PLCE1: variants seen among roughly 807,000 people sequenced by gnomAD.
The protein encoded by PLCE1 is phospholipase C epsilon 1.
A neutral mutation model predicts 242.8 loss-of-function variants in PLCE1; 119 were observed. The observed-to-expected ratio is 0.49, with a 90% confidence interval of 0.42 to 0.57. The LOEUF is 0.57. Among genes scored for constraint, PLCE1 ranks in the 20% least tolerant of loss-of-function variants. The pLI is 0.00. For synonymous variants in PLCE1, 945 were observed against 1,017.4 expected, an observed-to-expected ratio of 0.93 and a Z score of 1.35; for missense variants, 2,441 against 2,788.8, an observed-to-expected ratio of 0.88 and a Z score of 2.81.
At chr10:94,029,887 G>A (rs2061523488) in intron 1 of PLCE1, among the ~76,000 whole-genome samples, 1 of 152,088 alleles carries the variant, frequency 6.6e-6, no homozygotes, top group Admixed American at 6.6e-5. Flanking sequence ...GCTCATCATG[G>A]GCACCTTCTA....
At chr10:94,058,380 T>C (rs2043961671) in intron 2 of PLCE1, among the ~76,000 whole-genome samples, 1 of 152,178 alleles carries the variant, frequency 6.6e-6, no homozygotes, top group Non-Finnish European at 1.5e-5. Context: ...CACAAGTGTG[T>C]TCTGTGGAAC....
intron 2 of PLCE1, among the ~76,000 whole-genome samples, chr10:94,064,628 T>A (rs1203611383): frequency 6.6e-6 from 1 of 152,160 alleles, no homozygotes; most frequent in African/African-American, 2.4e-5. Context: ...TGCTAGGTGA[T>A]CCTGGGCAAG....
chr10:94,078,089 A>T lies in PLCE1; in HGVS notation c.1206+45837A>T, dbSNP rs527284245. On this transcript the variant is annotated intron_variant, in intron 2 of 32. Coordinates refer to ENST00000371380, the MANE Select transcript of PLCE1 (RefSeq NM_016341.4). ...TTAGACATCTGTTGCAGAAATCTTT[A>T]TTTGATTATGGGTTACTGTCTCAGT... Among the ~76,000 whole-genome samples, 8 of 152,312 alleles carry T rather than the reference A, an allele frequency of 5.3e-5. No individual in the cohort carries two copies. The South Asian group carries it at 1.2e-3, about 24-fold the overall frequency.
chr10:94,250,982 A>G (rs2137599610), intron 8 of PLCE1, among the ~76,000 whole-genome samples: 1 of 152,206 alleles, frequency 6.6e-6, no homozygotes, highest in South Asian at 2.1e-4. Context: ...ATCTCCAACC[A>G]TTTTCATTCT....
intron 3 of PLCE1, among the ~76,000 whole-genome samples, chr10:94,147,624 A>G (rs1192206522): frequency 2.0e-5 from 3 of 152,176 alleles, no homozygotes; most frequent in South Asian, 2.1e-4. Context: ...ATTGAAGAAG[A>G]ATGAAACAAT....
At chr10:94,287,416 T>C (rs1332126442) in intron 22 of PLCE1, 1 of 151,362 alleles carries the variant, frequency 6.6e-6, no homozygotes, top group Non-Finnish European at 1.5e-5. Context: ...ATTATCAATT[T>C]CAGTGTATGT....
At position 94,306,368 on chromosome 10, in the gene PLCE1, A is replaced by C. The variant is rs1458714177; in HGVS notation, c.5623-59A>C. On this transcript the variant is annotated intron_variant, in intron 25 of 32. Coordinates refer to ENST00000371380, the MANE Select transcript of PLCE1 (RefSeq NM_016341.4). The surrounding 1 kb of genome is among the most constrained non-coding windows in gnomAD (Gnocchi z 5.7). Reference sequence around the variant, plus strand: ...TGCAGAGGGAAGCAGTGAGGTGCAGAGGTTGTCTTTCTTTTTTATCCTCGG... The same window carrying C: ...TGCAGAGGGAAGCAGTGAGGTGCAGCGGTTGTCTTTCTTTTTTATCCTCGG... The C allele has an allele frequency of 6.2e-7, 1 of 1,613,736 alleles. No individual in the cohort carries two copies. Among genetic ancestry groups the C allele is most frequent in the Non-Finnish European group, 8.5e-7 (1 of 1,179,786 alleles).
At chr10:94,069,016 G>A (rs1272339219) in intron 2 of PLCE1, among the ~76,000 whole-genome samples, 1 of 152,230 alleles carries the variant, frequency 6.6e-6, no homozygotes, top group Non-Finnish European at 1.5e-5. Context: ...ATGAATGAGG[G>A]AAATGAATGA....
At chr10:94,297,945 A>G (rs1388752055) in intron 23 of PLCE1, among the ~76,000 whole-genome samples, 1 of 152,262 alleles carries the variant, frequency 6.6e-6, no homozygotes, top group Non-Finnish European at 1.5e-5. Flanking sequence ...CCACAACCCA[A>G]ATGAAGTACT....
intron 22 of PLCE1, chr10:94,286,921 C>G (rs1234887266): frequency 6.6e-6 from 1 of 152,260 alleles, no homozygotes; most frequent in Non-Finnish European, 1.5e-5. Flanking sequence ...ATCACACCCA[C>G]TGCAGCTCTT....
At chr10:94,287,183 T>C (rs2052479906) in intron 22 of PLCE1, 1 of 151,322 alleles carries the variant, frequency 6.6e-6, no homozygotes. Flanking sequence ...TCACATAGCA[T>C]ACATTTCTTC....
At chr10:94,221,509 G>A (rs1021864527) in intron 4 of PLCE1, among the ~76,000 whole-genome samples, 5 of 152,214 alleles carry the variant, frequency 3.3e-5, no homozygotes, top group African/African-American at 1.2e-4. Context: ...GGCCGAGGTG[G>A]GTGGATCACC....
At chr10:94,089,902 C>G (rs566662813) in intron 2 of PLCE1, among the ~76,000 whole-genome samples, 1 of 152,106 alleles carries the variant, frequency 6.6e-6, no homozygotes, top group African/African-American at 2.4e-5. Flanking sequence ...GAGGAAAAAA[C>G]TATACTCAGG....
intron 4 of PLCE1, among the ~76,000 whole-genome samples, chr10:94,218,958 A>G (rs2049626924): frequency 6.8e-6 from 1 of 147,610 alleles, no homozygotes; most frequent in Non-Finnish European, 1.5e-5. Context: ...ATAATTAAAT[A>G]TAATTAAAAT....
chr10:94,295,865 T>G (rs965304126), intron 23 of PLCE1, among the ~76,000 whole-genome samples: 1 of 151,944 alleles, frequency 6.6e-6, no homozygotes, highest in Admixed American at 6.6e-5. Flanking sequence ...ACAGGCAGAG[T>G]AGATTTAGCA....
At chr10:94,285,223 A>C (rs917649760) in intron 22 of PLCE1, among the ~76,000 whole-genome samples, 1 of 152,170 alleles carries the variant, frequency 6.6e-6, no homozygotes, top group Non-Finnish European at 1.5e-5. Flanking sequence ...TATAATACTC[A>C]TAATTTCTAA....
At chr10:94,320,203 A>G (rs1004735675) in intron 29 of PLCE1, among the ~76,000 whole-genome samples, 1 of 152,164 alleles carries the variant, frequency 6.6e-6, no homozygotes, top group African/African-American at 2.4e-5. Flanking sequence ...GTAAAACAGT[A>G]TACATAGGAT....
At chr10:94,059,117 A>T (rs1160655352) in intron 2 of PLCE1, among the ~76,000 whole-genome samples, 1 of 152,212 alleles carries the variant, frequency 6.6e-6, no homozygotes, top group Admixed American at 6.5e-5. Context: ...CACAGTCATG[A>T]TGGAGAAGGA....
chr10:94,275,127 A>C (rs1051135290), intron 19 of PLCE1, among the ~76,000 whole-genome samples: 2 of 152,200 alleles, frequency 1.3e-5, no homozygotes, highest in Non-Finnish European at 2.9e-5. Context: ...AGTTACTTAT[A>C]AGGCCTTCAT....
Sources: allele counts gnomAD v4.1 joint callset (sites outside exome capture counted in the v4.1 genomes callset), GRCh38; gene constraint gnomAD v4.1.1; non-coding constraint Gnocchi (gnomAD v3.1); transcripts MANE v1.5; gene names NCBI Gene and HGNC (gene_info 2026-07-23, HGNC 2026-07-21).